Variants in SCN11A observed in about 807,000 individuals in gnomAD.
SCN11A encodes sodium voltage-gated channel alpha subunit 11, also known as sodium channel protein type 11 subunit alpha.
In SCN11A, 122 loss-of-function variants were observed where a neutral mutation model predicts 162.2. The ratio of observed to expected loss-of-function variants is 0.75; its 90% CI spans 0.65 to 0.87. SCN11A has a LOEUF of 0.87. Among genes scored for constraint, SCN11A ranks in the 40% least tolerant of loss-of-function variants. The pLI, the probability that SCN11A is intolerant of heterozygous loss-of-function variation, is 0.00. For synonymous variants in SCN11A, 758 were observed against 751.5 expected, an observed-to-expected ratio of 1.01 and a Z score of -0.14; for missense variants, 2,015 against 2,181.6, an observed-to-expected ratio of 0.92 and a Z score of 1.52.
intron 1 of SCN11A, among the ~76,000 whole-genome samples, chr3:39,037,590 A>G (rs941287299): frequency 2.6e-5 from 4 of 152,148 alleles, no homozygotes; most frequent in Admixed American, 6.5e-5. Context: ...TATCTCATGT[A>G]CCTCATAAAT....
At chr3:38,993,259 C>T (rs554259812) in intron 2 of SCN11A, among the ~76,000 whole-genome samples, 2 of 152,084 alleles carry the variant, frequency 1.3e-5, no homozygotes, top group East Asian at 1.9e-4. Flanking sequence ...GACACTGGAG[C>T]GCCTCTGGGA....
At position 38,909,123 on chromosome 3, in the gene SCN11A, C is replaced by T; in HGVS notation, c.1173G>A (p.Leu391=). Residue 391 remains leucine, a synonymous_variant, in exon 13 of 30, where the codon CTG becomes CTA. Coordinates refer to ENST00000302328, the MANE Select transcript of SCN11A (RefSeq NM_001349253.2). ...IVVIFLGSFY[L]INLTLAVVTM... Reference sequence around the variant, plus strand: ...TAACAACAGCCAGGGTTAAGTTAATCAGGTAGAAGGAGCCCAGGAAAATGA... The same window carrying T: ...TAACAACAGCCAGGGTTAAGTTAATTAGGTAGAAGGAGCCCAGGAAAATGA... The T allele has an allele frequency of 6.2e-7, 1 of 1,614,072 alleles. No individual in the cohort carries two copies. The highest frequency in any genetic ancestry group is 8.5e-7 in the Non-Finnish European group (1 of 1,179,992).
chr3:38,880,182 A>T (rs113641774), intron 22 of SCN11A, 59 bp from the exon 23 acceptor site: 1 of 1,290,468 alleles, frequency 7.7e-7, no homozygotes, highest in Non-Finnish European at 1.1e-6. Flanking sequence ...ACTCCTTGGT[A>T]ACTTTACTTT....
At chr3:38,856,542 T>G (rs1481043782) in intron 28 of SCN11A, among the ~76,000 whole-genome samples, 3 of 152,026 alleles carry the variant, frequency 2.0e-5, no homozygotes, top group Admixed American at 6.6e-5. Context: ...TGATAAAACC[T>G]CAGCGCATCT....
In SCN11A at chr3:38,904,112, G is replaced by A. The variant is rs370277934; in HGVS notation, c.1604-9C>T. ...TTGTGATTTTTCTTGTTCTGGAGGA[G>A]AATGAGCGAGAGGTTGAGGAGTTAG... On this transcript the variant is annotated splice_polypyrimidine_tract_variant and intron_variant, in intron 15 of 29. Transcript: ENST00000302328. The A allele has an allele frequency of 2.6e-6, 4 of 1,531,292 alleles. No homozygotes were observed. The African/African-American group carries it at 5.5e-5, about 21-fold the overall frequency. 94.9% of individuals were successfully genotyped at this position (1,531,292 alleles called of 1,614,324 possible). A position where few individuals can be genotyped will look rare whatever the true frequency, so the allele number is the denominator to read the frequency against.
intron 16 of SCN11A, among the ~76,000 whole-genome samples, chr3:38,902,972 A>G (rs2065727978): frequency 1.3e-5 from 2 of 152,238 alleles, no homozygotes; most frequent in Admixed American, 1.3e-4. Flanking sequence ...ATATTCTGCA[A>G]TGCTAAAAAT....
At chr3:38,895,639 A>G (rs150947575) in intron 18 of SCN11A, among the ~76,000 whole-genome samples, 46 of 152,286 alleles carry the variant, frequency 3.0e-4, no homozygotes, top group African/African-American at 1.1e-3. Context: ...GACAATAGAC[A>G]GCCTTTGGAG....
chr3:39,010,820 T>C (rs776763399), intron 2 of SCN11A, among the ~76,000 whole-genome samples: 14 of 152,208 alleles, frequency 9.2e-5, no homozygotes, highest in Non-Finnish European at 1.5e-4. Flanking sequence ...AAATGGAAGA[T>C]TGTAATACAT....
chr3:38,880,127 A>G lies in SCN11A; in HGVS notation c.3220-4T>C, dbSNP rs1575238533. ...CAAGGTGAACATCTTCAAATATCTGAAATGAAAAAGCATAGCCATAGGCCA... is the reference window on the plus strand; with the variant it reads ...CAAGGTGAACATCTTCAAATATCTGGAATGAAAAAGCATAGCCATAGGCCA... On this transcript the variant is annotated splice_region_variant and splice_polypyrimidine_tract_variant and intron_variant, in intron 22 of 29. Coordinates refer to ENST00000302328, the MANE Select transcript of SCN11A (RefSeq NM_001349253.2). 3 of 1,603,632 alleles carry G rather than the reference A, an allele frequency of 1.9e-6. No individual in the cohort carries two copies. Among genetic ancestry groups the G allele is most frequent in the Non-Finnish European group, 2.6e-6 (3 of 1,174,368 alleles).
intron 19 of SCN11A, among the ~76,000 whole-genome samples, chr3:38,890,237 G>C (rs1425581656): frequency 1.3e-5 from 2 of 152,184 alleles, no homozygotes; most frequent in African/African-American, 2.4e-5. Context: ...AAGTTGAGAG[G>C]CTACTGCCCC....
intron 9 of SCN11A, among the ~76,000 whole-genome samples, chr3:38,923,915 G>A (rs958652366): frequency 2.6e-5 from 4 of 152,124 alleles, no homozygotes; most frequent in Admixed American, 6.6e-5. Flanking sequence ...TGCAGCTGTC[G>A]GAGTCTCAGC....
At chr3:38,876,233 T>A (rs2065204787) in intron 23 of SCN11A, among the ~76,000 whole-genome samples, 1 of 152,106 alleles carries the variant, frequency 6.6e-6, no homozygotes, top group African/African-American at 2.4e-5. Flanking sequence ...GGGATTTAAG[T>A]CTAAGACCTG....
chr3:38,940,103 C>T (rs907248484), intron 7 of SCN11A, among the ~76,000 whole-genome samples: 4 of 150,350 alleles, frequency 2.7e-5, no homozygotes, highest in African/African-American at 9.8e-5. Flanking sequence ...CAACTAGTTA[C>T]AAGGCATAAT....
At position 38,950,081 on chromosome 3, in the gene SCN11A, C is replaced by CCG. The variant is rs773359255; in HGVS notation, c.267+14_267+15insCG. 2 of 214,550 alleles carry CCG rather than the reference C, an allele frequency of 9.3e-6. No individual in the cohort carries two copies. The highest frequency in any genetic ancestry group is 2.0e-5 in the Non-Finnish European group (2 of 99,688). The allele number at this position is 214,550 out of a possible 1,614,324, so 13.3% of individuals were successfully genotyped here. The stretch of plus-strand genomic sequence containing the variant: ...CACCCCCACCCCCACCCCCCCCCCC[C>CCG]GCCCAATGAAGTACCTTATGATTTC... On this transcript the variant is annotated intron_variant, in intron 5 of 29. Transcript: ENST00000302328.
intron 17 of SCN11A, among the ~76,000 whole-genome samples, 198 bp from the exon 18 acceptor site, chr3:38,897,423 A>T (rs559389642): frequency 1.3e-5 from 2 of 152,342 alleles, no homozygotes; most frequent in African/African-American, 4.8e-5. Flanking sequence ...CTTATTTGAA[A>T]ATGGAAACAT....
chr3:38,981,537 TTGTGTGTGTGTG>T (rs10578149), intron 2 of SCN11A, among the ~76,000 whole-genome samples: 2 of 145,974 alleles, frequency 1.4e-5, no homozygotes, highest in East Asian at 4.0e-4. Context: ...GTGTGTGTGT[TTGTGTGTGTGTG>T]TGTGTGTGTG....
At chr3:38,998,350 G>A (rs1322214615) in intron 2 of SCN11A, among the ~76,000 whole-genome samples, 1 of 152,188 alleles carries the variant, frequency 6.6e-6, no homozygotes, top group Non-Finnish European at 1.5e-5. Flanking sequence ...GAAGAAGCTG[G>A]ATGAGTGAGT....
At chr3:38,954,751 G>T (rs982810435) in intron 3 of SCN11A, among the ~76,000 whole-genome samples, 2 of 152,188 alleles carry the variant, frequency 1.3e-5, no homozygotes, top group Non-Finnish European at 2.9e-5. Flanking sequence ...CACTGTGGGA[G>T]GCTAAGGCAG....
intron 2 of SCN11A, among the ~76,000 whole-genome samples, chr3:38,972,019 A>G (rs994670307): frequency 1.3e-5 from 2 of 152,216 alleles, no homozygotes; most frequent in Admixed American, 1.3e-4. Context: ...TACACAGAAG[A>G]GCTGAGCATC....
Sources: gnomAD v4.1 joint callset for allele counts (sites outside exome capture counted in the v4.1 genomes callset) on GRCh38, gnomAD v4.1.1 for gene constraint, MANE v1.5 for transcripts, NCBI Gene and HGNC (gene_info 2026-07-23, HGNC 2026-07-21) for gene names.